Variants in RNF17 observed in about 807,000 individuals in gnomAD.
RNF17 encodes the protein spermatogenesis associated 23.
Under a neutral mutation model 200.5 loss-of-function variants are expected in RNF17, and 31 were observed. That is an observed-to-expected ratio of 0.15 (90% CI 0.12 to 0.21). RNF17 has a LOEUF of 0.21. Ranked by LOEUF, RNF17 falls within the 10% of genes least tolerant of loss-of-function variation. The pLI is 1.00. For missense variants in RNF17, 1,628 were observed against 1,905.1 expected, an observed-to-expected ratio of 0.85 and a Z score of 2.71; for synonymous variants, 606 against 637.8, an observed-to-expected ratio of 0.95 and a Z score of 0.75.
chr13:24,855,729 G>A (rs984438553), intron 25 of RNF17, among the ~76,000 whole-genome samples: 1 of 152,144 alleles, frequency 6.6e-6, no homozygotes, highest in Non-Finnish European at 1.5e-5. Context: ...TGCATGAAGA[G>A]TCTTGTTACC....
chr13:24,793,317 T>C lies in RNF17; in HGVS notation c.1211T>C (p.Ile404Thr). The C allele has an allele frequency of 1.3e-6, 2 of 1,589,896 alleles. No individual in the cohort carries two copies. Among genetic ancestry groups the C allele is most frequent in the Non-Finnish European group, 1.7e-6 (2 of 1,171,902 alleles). The change falls in exon 10 of 36, where the codon ATT (isoleucine) becomes ACT (threonine). Residue 404 changes from isoleucine to threonine, a missense_variant. By Grantham distance (89) the Ile-to-Thr change is moderately conservative (BLOSUM62 -1). Coordinates refer to ENST00000255324, the MANE Select transcript of RNF17 (RefSeq NM_031277.3). ...ATGGGATCTAGCCCTGATGTGATAA[T>C]TGAAGAAATTATTGAAGACAACGTG... ...PQMGSSPDVI[I>T]EEIIEDNVES... is the part of the protein sequence containing the mutation.
intron 30 of RNF17, among the ~76,000 whole-genome samples, chr13:24,866,626 G>T (rs1893653757): frequency 6.6e-6 from 1 of 152,212 alleles, no homozygotes; most frequent in African/African-American, 2.4e-5. Context: ...TTTTGTTGCT[G>T]AATAAAATTC....
downstream of RNF17, chr13:24,883,117 A>G: frequency 7.2e-7 from 1 of 1,392,090 alleles, no homozygotes; most frequent in Non-Finnish European, 1.0e-6. Flanking sequence ...ATCCACAGTA[A>G]ATGTACATTT....
chr13:24,782,298 T>G (rs143191315), intron 6 of RNF17, among the ~76,000 whole-genome samples: 1 of 151,940 alleles, frequency 6.6e-6, no homozygotes, highest in African/African-American at 2.4e-5. Context: ...ACCTCAGCCT[T>G]CAAAGTAGCT....
the RNF17 span, chr13:24,885,785 T>C: frequency 1.3e-6 from 1 of 758,166 alleles, no homozygotes; most frequent in Non-Finnish European, 2.3e-6. Context: ...TATCCATTAG[T>C]TAAGGATGTC....
At chr13:24,852,939 A>C (rs1044234004) in intron 24 of RNF17, among the ~76,000 whole-genome samples, 9 of 152,082 alleles carry the variant, frequency 5.9e-5, no homozygotes, top group Admixed American at 4.6e-4. Context: ...ATTGAGACAG[A>C]GTCTCATTCT....
At chr13:24,797,679 G>GGAGAGA (rs140460990) in intron 11 of RNF17, among the ~76,000 whole-genome samples, 2 of 120,740 alleles carry the variant, frequency 1.7e-5, no homozygotes, top group African/African-American at 3.3e-5. Flanking sequence ...TGAGTGGCAG[G>GGAGAGA]GAGAGAGAGA....
intron 15 of RNF17, among the ~76,000 whole-genome samples, chr13:24,818,376 T>A (rs1254148174): frequency 6.6e-6 from 1 of 152,194 alleles, no homozygotes; most frequent in East Asian, 1.9e-4. Context: ...TAGAGTGTTT[T>A]GTGTATGTCT....
At chr13:24,774,508 C>A (rs947252859) in intron 2 of RNF17, among the ~76,000 whole-genome samples, 2 of 152,196 alleles carry the variant, frequency 1.3e-5, no homozygotes, top group African/African-American at 4.8e-5. Context: ...TCATTCCTGG[C>A]CTAACATTTT....
At chr13:24,810,072 A>C (rs1449225209) in intron 15 of RNF17, among the ~76,000 whole-genome samples, 1 of 150,580 alleles carries the variant, frequency 6.6e-6, no homozygotes, top group Non-Finnish European at 1.5e-5. Context: ...TATGTGGTCA[A>C]TTTTGGAATA....
At chr13:24,868,763 G>A in intron 31 of RNF17, 47 bp downstream of exon 31, 1 of 1,032,242 alleles carries the variant, frequency 9.7e-7, no homozygotes, top group South Asian at 1.3e-5. Context: ...GTAACAAGCT[G>A]TCTTGGTCTT....
downstream of RNF17, chr13:24,882,209 GATAGAT>G (rs1475659336): frequency 4.7e-4 from 7 of 15,020 alleles, 2 homozygotes; most frequent in East Asian, 0.032. Context: ...CATCTATATA[GATAGAT>G]ATAGATACAT....
chr13:24,843,385 G>T (rs988608335), intron 19 of RNF17, among the ~76,000 whole-genome samples: 2 of 152,008 alleles, frequency 1.3e-5, no homozygotes, highest in African/African-American at 4.8e-5. Context: ...GGGCATGGTG[G>T]CAGGTGCCTA....
chr13:24,884,845 C>A (rs1300269432), downstream of RNF17, among the ~76,000 whole-genome samples: 1 of 152,178 alleles, frequency 6.6e-6, no homozygotes, highest in African/African-American at 2.4e-5. Flanking sequence ...AGTAAATTTT[C>A]CATAAACCTG....
At chr13:24,773,357 G>T (rs145475014) in intron 2 of RNF17, among the ~76,000 whole-genome samples, 7 of 152,274 alleles carry the variant, frequency 4.6e-5, no homozygotes, top group African/African-American at 1.7e-4. Flanking sequence ...ATACACCACA[G>T]AATACTATGC....
chr13:24,865,130 A>G (rs1413302678), intron 29 of RNF17, 132 bp downstream of exon 29: 3 of 626,852 alleles, frequency 4.8e-6, no homozygotes, highest in East Asian at 3.3e-5. Context: ...GAGGACTTAC[A>G]CATTTTTGCT....
chr13:24,765,627 A>T (rs944892227), intron 1 of RNF17, among the ~76,000 whole-genome samples: 2 of 152,234 alleles, frequency 1.3e-5, no homozygotes, highest in African/African-American at 4.8e-5. Flanking sequence ...ATTACGGAAT[A>T]AAGTTCTAGA....
At position 24,844,681 on chromosome 13, in the gene RNF17, A is replaced by G; in HGVS notation, c.2861A>G (p.Glu954Gly). ...SLEEKMIAAYENSKWEPVKWE... is the reference protein window; with the variant it reads ...SLEEKMIAAYGNSKWEPVKWE... ...GAAGAAAAGATGATAGCTGCTTATG[A>G]AAACTCAAAATGGGAACCTGTTAAA... Residue 954 changes from glutamate (E) to glycine (G), a missense_variant, in exon 21 of 36, where the codon GAA (glutamate) becomes GGA (glycine). By Grantham distance (98) the Glu-to-Gly change is moderately conservative. Around this residue, in one of 5 missense-constraint regions of RNF17, gnomAD observed 227 missense variants for 319.8 expected, o/e 0.71. Coordinates refer to ENST00000255324, the MANE Select transcript of RNF17 (RefSeq NM_031277.3). The G allele has an allele frequency of 6.2e-7, 1 of 1,606,988 alleles. No homozygotes were observed. The highest frequency in any genetic ancestry group is 1.7e-5 in the Admixed American group (1 of 59,734).
At chr13:24,816,301 C>T (rs75253380) in intron 15 of RNF17, among the ~76,000 whole-genome samples, 2,304 of 152,160 alleles carry the variant, frequency 0.015, 60 homozygotes, top group East Asian at 0.081. Flanking sequence ...ATCATTGTTG[C>T]CTTGGCATCC....
Sources: allele counts gnomAD v4.1 joint callset (sites outside exome capture counted in the v4.1 genomes callset), GRCh38; gene constraint gnomAD v4.1.1; regional missense constraint gnomAD v4.1.1; transcripts MANE v1.5; gene names NCBI Gene and HGNC (gene_info 2026-07-23, HGNC 2026-07-21).